Variants in LDLRAD4 observed in about 807,000 individuals in gnomAD.
LDLRAD4 encodes the protein low density lipoprotein receptor class A domain containing 4.
In LDLRAD4, 5 loss-of-function variants were observed where a neutral mutation model predicts 17.0. The ratio of observed to expected loss-of-function variants is 0.29; its 90% CI spans 0.15 to 0.62. LDLRAD4 has a LOEUF of 0.62. LDLRAD4 is among the 20% of genes least tolerant of loss of function. The probability of loss-of-function intolerance (pLI) is 0.84; values close to 1 mark genes in which losing one functional copy is unlikely to be tolerated. For missense variants in LDLRAD4, 340 were observed against 424.7 expected, an observed-to-expected ratio of 0.80 and a Z score of 1.75; for synonymous variants, 168 against 171.8, an observed-to-expected ratio of 0.98 and a Z score of 0.17.
At position 13,491,513 on chromosome 18, in the gene LDLRAD4, G is replaced by A. The variant is rs891668113; in HGVS notation, c.181+53129G>A. The A allele has an allele frequency of 9.8e-5, 15 of 152,332 alleles. No homozygotes were observed. In the East Asian group the frequency reaches 2.7e-3, roughly 27 times the overall value. The allele number at this position is 152,332 out of a possible 1,614,324, so 9.4% of individuals were successfully genotyped here. On this transcript the variant is annotated intron_variant, in intron 3 of 5. Coordinates refer to ENST00000359446, the Ensembl canonical transcript of LDLRAD4. ...TATTTCTTTTTGAGATACTTTATAT[G>A]TTTGAAATAATTAATAGCTGGCGCC... is the stretch of plus-strand genomic sequence containing the variant.
At chr18:13,243,731 G>C (rs1404168959) in intron 1 of LDLRAD4, among the ~76,000 whole-genome samples, 9 of 43,238 alleles carry the variant, frequency 2.1e-4, no homozygotes, top group Admixed American at 2.4e-4. Flanking sequence ...CCCACCCAGC[G>C]ACCCACCCAT....
At chr18:13,454,166 G>A (rs941394021) in intron 3 of LDLRAD4, among the ~76,000 whole-genome samples, 2 of 152,218 alleles carry the variant, frequency 1.3e-5, no homozygotes, top group Non-Finnish European at 2.9e-5. Flanking sequence ...TGTTAGATGC[G>A]CAAGCAGACT....
chr18:13,223,999 C>T (rs906100400), intron 1 of LDLRAD4, among the ~76,000 whole-genome samples: 2 of 152,162 alleles, frequency 1.3e-5, no homozygotes, highest in Non-Finnish European at 2.9e-5. Context: ...CTCTTCTTGT[C>T]CCCATACAGG....
chr18:13,540,681 A>G (rs1311109505), intron 3 of LDLRAD4, among the ~76,000 whole-genome samples: 1 of 152,232 alleles, frequency 6.6e-6, no homozygotes, highest in Non-Finnish European at 1.5e-5. Context: ...GGAACATTAT[A>G]AATTGCTTCC....
chr18:13,612,894 C>T, intron 3 of LDLRAD4: 2 of 1,192,012 alleles, frequency 1.7e-6, no homozygotes, highest in African/African-American at 3.0e-5. Flanking sequence ...CAAGAAGTTT[C>T]TTTCTACCTA....
At chr18:13,304,140 G>T (rs1246544605) in intron 1 of LDLRAD4, among the ~76,000 whole-genome samples, 2 of 152,194 alleles carry the variant, frequency 1.3e-5, no homozygotes, top group Non-Finnish European at 2.9e-5. Context: ...AGGCTCCCAG[G>T]CCAGGACCTG....
At chr18:13,543,271 C>T (rs1332606009) in intron 3 of LDLRAD4, 1 of 152,184 alleles carries the variant, frequency 6.6e-6, no homozygotes, top group Non-Finnish European at 1.5e-5. Context: ...AACTAGAGGT[C>T]TTGAGCTCCT....
chr18:13,348,551 C>T lies in LDLRAD4; in HGVS notation c.-382-38790C>T, dbSNP rs1020990819. On this transcript the variant is annotated intron_variant, in intron 1 of 5. Coordinates refer to ENST00000359446, the Ensembl canonical transcript of LDLRAD4. ...CACTTGAGGAGGCAGTCTGTCCATT[C>T]TCAGATCTCAAGCGGCGTGCTGGGA... Among the ~76,000 whole-genome samples the T allele has an allele frequency of 2.0e-5, 3 of 152,194 alleles. No individual in the cohort carries two copies. The East Asian group carries it at 5.8e-4, about 29-fold the overall frequency.
In LDLRAD4 at chr18:13,633,948, A is replaced by G. The variant is rs192664465; in HGVS notation, c.337-9411A>G. Among the ~76,000 whole-genome samples, 511 of 152,358 alleles carry G rather than the reference A, an allele frequency of 3.4e-3. 4 individuals carry two copies. The highest frequency in any genetic ancestry group is 0.011 in the African/African-American group (478 of 41,592). The stretch of plus-strand genomic sequence containing the variant: ...CCATGCCTCCCCTGCTGCAGCCAGC[A>G]TCTTCACAGCAGCTGCTCCAGATGG... On this transcript the variant is annotated intron_variant, in intron 4 of 5. Transcript: ENST00000359446.
At chr18:13,638,604 C>A (rs1195262314) in intron 4 of LDLRAD4, among the ~76,000 whole-genome samples, 2 of 152,208 alleles carry the variant, frequency 1.3e-5, no homozygotes, top group African/African-American at 4.8e-5. Flanking sequence ...GGTATAACAG[C>A]CCCTGATAAG....
chr18:13,616,942 T>A (rs571443495), intron 3 of LDLRAD4, among the ~76,000 whole-genome samples: 1 of 152,270 alleles, frequency 6.6e-6, no homozygotes, highest in South Asian at 2.1e-4. Flanking sequence ...CCGACGCTCA[T>A]CCATGTGCTG....
intron 3 of LDLRAD4, chr18:13,612,622 G>A (rs1601710026): frequency 1.2e-6 from 2 of 1,606,404 alleles, no homozygotes; most frequent in Non-Finnish European, 1.7e-6. Flanking sequence ...TGCCTGGAGA[G>A]GAGATTGCCG....
chr18:13,452,372 G>C (rs2091891001), intron 3 of LDLRAD4, among the ~76,000 whole-genome samples: 1 of 152,140 alleles, frequency 6.6e-6, no homozygotes, highest in Non-Finnish European at 1.5e-5. Flanking sequence ...GTGGAGGGGG[G>C]CGAGGAGGAG....
chr18:13,351,195 T>C (rs777368883), intron 1 of LDLRAD4, among the ~76,000 whole-genome samples: 3 of 152,176 alleles, frequency 2.0e-5, no homozygotes, highest in Non-Finnish European at 4.4e-5. Flanking sequence ...ATGGGAATAA[T>C]ATTGAATATA....
intron 1 of LDLRAD4, among the ~76,000 whole-genome samples, chr18:13,287,871 C>T (rs1216061551): frequency 6.6e-6 from 1 of 152,126 alleles, no homozygotes; most frequent in South Asian, 2.1e-4. Flanking sequence ...CAGAGAAAAA[C>T]GTTAAAAACC....
At chr18:13,459,159 CAAAAAAAAAAA>C (rs534798084) in intron 3 of LDLRAD4, among the ~76,000 whole-genome samples, 3 of 53,736 alleles carry the variant, frequency 5.6e-5, no homozygotes, top group Non-Finnish European at 7.2e-5. Flanking sequence ...ATCTCTACAC[CAAAAAAAAAAA>C]AAAAAAAAAA....
chr18:13,379,990 C>T (rs578252940), intron 1 of LDLRAD4, among the ~76,000 whole-genome samples: 5 of 152,202 alleles, frequency 3.3e-5, no homozygotes, highest in South Asian at 2.1e-4. Context: ...GCCCCCTGCC[C>T]GCCAGCCCCC....
intron 3 of LDLRAD4, among the ~76,000 whole-genome samples, chr18:13,530,935 A>G (rs79741630): frequency 3.3e-5 from 5 of 152,290 alleles, no homozygotes; most frequent in Admixed American, 1.3e-4. Flanking sequence ...TGGAAGGACT[A>G]TATTCTAAAC....
At chr18:13,586,419 A>AAAAAAAAAAAAAAAAAAAAC (rs1568371860) in intron 3 of LDLRAD4, among the ~76,000 whole-genome samples, 1 of 148,450 alleles carries the variant, frequency 6.7e-6, no homozygotes. Flanking sequence ...AAAAAAAAAA[A>AAAAAAAAAAAAAAAAAAAAC]AAGAATAGAA....
Sources: allele counts gnomAD v4.1 joint callset (sites outside exome capture counted in the v4.1 genomes callset), GRCh38; gene constraint gnomAD v4.1.1; transcripts MANE v1.5; gene names NCBI Gene and HGNC (gene_info 2026-07-23, HGNC 2026-07-21).